Variants in ABCA12 observed in about 807,000 individuals in gnomAD.
The protein encoded by ABCA12 is ATP binding cassette subfamily A member 12.
A neutral mutation model predicts 293.5 loss-of-function variants in ABCA12; 156 were observed. That is an observed-to-expected ratio of 0.53 (90% CI 0.47 to 0.61). The LOEUF is 0.61. Ranked by LOEUF, ABCA12 falls within the 20% of genes least tolerant of loss-of-function variation. The pLI is 0.00. For synonymous variants in ABCA12, 1,063 were observed against 1,108.0 expected (o/e 0.96, Z 0.81); for missense variants, 2,797 against 3,090.2 (o/e 0.91, Z 2.25).
intron 31 of ABCA12, 24 bp from the exon 32 acceptor site, chr2:214,979,064 A>G (rs1699590177): frequency 1.3e-6 from 2 of 1,597,534 alleles, no homozygotes; most frequent in African/African-American, 2.7e-5. Flanking sequence ...GTAGGAATTA[A>G]AACACTCTCC....
At chr2:215,059,616 GCTAA>G (rs1380175866) in intron 3 of ABCA12, among the ~76,000 whole-genome samples, 3 of 151,894 alleles carry the variant, frequency 2.0e-5, no homozygotes, top group Non-Finnish European at 2.9e-5. Flanking sequence ...GTGAGTAGAG[GCTAA>G]CTAATACATT....
At position 215,028,451 on chromosome 2, in the gene ABCA12, G is replaced by A. The variant is rs374339255; in HGVS notation, c.1062-1513C>T. Among the ~76,000 whole-genome samples the A allele has an allele frequency of 2.6e-4, 39 of 152,272 alleles. 1 individual carries two copies. In the South Asian group the frequency reaches 7.7e-3, roughly 30 times the overall value. On this transcript the variant is annotated intron_variant, in intron 9 of 52. Transcript: ENST00000272895. ...AAGTATCCATTTTACAAGCGCTCAT[G>A]CTTGTGCATAGGCATTTCCTTGACT...
intron 26 of ABCA12, 140 bp downstream of exon 26, chr2:214,989,189 T>TATATATATATATATATATAC (rs1559133249): frequency 9.0e-6 from 1 of 111,090 alleles, no homozygotes; most frequent in African/African-American, 3.6e-5. Context: ...AATACATACA[T>TATATATATATATATATATAC]ATATATATAT....
intron 1 of ABCA12, among the ~76,000 whole-genome samples, chr2:215,132,977 A>G (rs1350639503): frequency 1.3e-5 from 2 of 151,852 alleles, no homozygotes; most frequent in South Asian, 2.1e-4. Context: ...TCCTTCATTT[A>G]TGAAGCTCAG....
At chr2:215,077,246 C>A (rs1362538680) in intron 2 of ABCA12, among the ~76,000 whole-genome samples, 1 of 152,132 alleles carries the variant, frequency 6.6e-6, no homozygotes, top group Non-Finnish European at 1.5e-5. Context: ...TGAAATATTT[C>A]ACAATTTTCT....
At chr2:215,004,469 GT>G (rs1441521005) in intron 19 of ABCA12, among the ~76,000 whole-genome samples, 170 bp from the exon 20 acceptor site, 1 of 152,200 alleles carries the variant, frequency 6.6e-6, no homozygotes, top group Non-Finnish European at 1.5e-5. Context: ...AAGATTGGGG[GT>G]TGGTAATGAC....
chr2:215,060,346 T>C (rs1368267528), intron 3 of ABCA12, among the ~76,000 whole-genome samples: 1 of 152,108 alleles, frequency 6.6e-6, no homozygotes, highest in Non-Finnish European at 1.5e-5. Flanking sequence ...TCTTATTGAA[T>C]GAATGGTTGT....
intron 7 of ABCA12, among the ~76,000 whole-genome samples, chr2:215,038,658 T>C (rs1369534124): frequency 6.6e-6 from 1 of 152,192 alleles, no homozygotes; most frequent in African/African-American, 2.4e-5. Flanking sequence ...ACCATGGAGA[T>C]CAGTTAGACT....
intron 2 of ABCA12, among the ~76,000 whole-genome samples, chr2:215,101,317 T>C (rs1002686867): frequency 2.0e-5 from 3 of 152,182 alleles, no homozygotes; most frequent in African/African-American, 7.2e-5. Flanking sequence ...TGAAGTAGCA[T>C]AAGAATCACC....
At chr2:215,035,986 G>A (rs191950672) in intron 8 of ABCA12, among the ~76,000 whole-genome samples, 2,618 of 152,242 alleles carry the variant, frequency 0.017, 36 homozygotes, top group Non-Finnish European at 0.026. Context: ...AAAGAAAACA[G>A]AGGAAATAAT....
chr2:215,103,102 T>A (rs1702390462), intron 2 of ABCA12, among the ~76,000 whole-genome samples: 1 of 152,252 alleles, frequency 6.6e-6, no homozygotes, highest in East Asian at 1.9e-4. Context: ...ATTTTTCACA[T>A]TGCAATAGTT....
chr2:214,956,825 C>CAAA, intron 41 of ABCA12, 47 bp from the exon 42 acceptor site: 6 of 1,021,348 alleles, frequency 5.9e-6, no homozygotes, highest in African/African-American at 1.6e-5. Flanking sequence ...AAGCATTTTT[C>CAAA]AAAAAAAAAA....
chr2:215,090,320 A>T (rs1192719928), intron 2 of ABCA12, among the ~76,000 whole-genome samples: 1 of 151,992 alleles, frequency 6.6e-6, no homozygotes, highest in African/African-American at 2.4e-5. Context: ...GGTGCTGAAG[A>T]CCCGGGACAG....
At chr2:214,969,114 CA>C (rs1237773435) in intron 37 of ABCA12, among the ~76,000 whole-genome samples, 1 of 151,962 alleles carries the variant, frequency 6.6e-6, no homozygotes, top group African/African-American at 2.4e-5. Context: ...TCTACCATCT[CA>C]AATATCTTAA....
At chr2:215,131,410 A>T in intron 1 of ABCA12, among the ~76,000 whole-genome samples, 1 of 149,726 alleles carries the variant, frequency 6.7e-6, no homozygotes. Context: ...GTTTAATTTC[A>T]TTACTTGTTA....
At chr2:215,113,390 C>T (rs895743166) in intron 1 of ABCA12, among the ~76,000 whole-genome samples, 1 of 152,232 alleles carries the variant, frequency 6.6e-6, no homozygotes, top group Non-Finnish European at 1.5e-5. Context: ...GACTGAACAA[C>T]TTAATCTAAA....
At chr2:214,964,191 G>T (rs1699194953) in intron 39 of ABCA12, among the ~76,000 whole-genome samples, 1 of 151,878 alleles carries the variant, frequency 6.6e-6, no homozygotes, top group African/African-American at 2.4e-5. Context: ...CATCCCTTTT[G>T]TTAAAAACTC....
chr2:215,047,974 GA>G lies in ABCA12; in HGVS notation c.693+1651del, dbSNP rs755752019. 3.2e-3 allele frequency among the ~76,000 whole-genome samples: 431 copies of G among 136,286 alleles called. 5 individuals carry two copies. The highest frequency in any genetic ancestry group is 7.9e-3 in the Middle Eastern group (2 of 252). 89.4% of individuals were successfully genotyped at this position (136,286 alleles called of 152,430 possible). ...ATAAGGAAGTTCAACAAATTTACAAGAAAAAAAAAAAACTCCACTAAAAAGT... is the reference window on the plus strand; with the variant it reads ...ATAAGGAAGTTCAACAAATTTACAAGAAAAAAAAAAACTCCACTAAAAAGT... On this transcript the variant is annotated intron_variant, in intron 6 of 52. Coordinates refer to ENST00000272895, the MANE Select transcript of ABCA12 (RefSeq NM_173076.3).
intron 2 of ABCA12, among the ~76,000 whole-genome samples, chr2:215,103,680 A>T (rs1432662942): frequency 6.6e-6 from 1 of 152,254 alleles, no homozygotes; most frequent in Non-Finnish European, 1.5e-5. Flanking sequence ...ACTCTATACA[A>T]ATATAGTATC....
Sources: gnomAD v4.1 joint callset for allele counts (sites outside exome capture counted in the v4.1 genomes callset) on GRCh38, gnomAD v4.1.1 for gene constraint, MANE v1.5 for transcripts, NCBI Gene and HGNC (gene_info 2026-07-23, HGNC 2026-07-21) for gene names.